Variants in TBC1D22A observed in about 807,000 individuals in gnomAD.
TBC1D22A encodes TBC1 domain family member 22A, also known as putative GTPase activator.
TBC1D22A carries 38 observed loss-of-function variants against 60.2 expected under a neutral mutation model. That is an observed-to-expected ratio of 0.63 (90% confidence interval 0.49 to 0.83). The LOEUF is 0.83. Among genes scored for constraint, TBC1D22A ranks in the 40% least tolerant of loss-of-function variants. The pLI is 0.00. For missense variants in TBC1D22A, 628 were observed against 701.0 expected, an observed-to-expected ratio of 0.90 and a Z score of 1.18; for synonymous variants, 302 against 281.7, an observed-to-expected ratio of 1.07 and a Z score of -0.72.
At chr22:46,878,784 T>C (rs2067701126) in intron 5 of TBC1D22A, 61 bp downstream of exon 5, 5 of 1,537,164 alleles carry the variant, frequency 3.3e-6, no homozygotes, top group Non-Finnish European at 9.0e-7. Flanking sequence ...TGCAGGCGTC[T>C]GGCCTGAGTA....
intron 11 of TBC1D22A, among the ~76,000 whole-genome samples, chr22:47,106,162 G>C (rs2065625685): frequency 6.6e-6 from 1 of 152,182 alleles, no homozygotes; most frequent in African/African-American, 2.4e-5. Flanking sequence ...GATATAAAAA[G>C]AGAGGCTAAA....
At chr22:46,998,126 C>CTTTA (rs1489071416) in intron 10 of TBC1D22A, among the ~76,000 whole-genome samples, 1 of 152,066 alleles carries the variant, frequency 6.6e-6, no homozygotes, top group Non-Finnish European at 1.5e-5. Context: ...GAAATAACAT[C>CTTTA]TTTAATATTA....
intron 4 of TBC1D22A, among the ~76,000 whole-genome samples, chr22:46,864,866 G>T (rs2066977454): frequency 6.6e-6 from 1 of 152,204 alleles, no homozygotes; most frequent in Non-Finnish European, 1.5e-5. Flanking sequence ...TGTGTTGAGT[G>T]CAGTGGCGTG....
intron 4 of TBC1D22A, among the ~76,000 whole-genome samples, chr22:46,842,518 G>C (rs2086813818): frequency 6.6e-6 from 1 of 152,158 alleles, no homozygotes; most frequent in Non-Finnish European, 1.5e-5. Flanking sequence ...GTAAGTTGTA[G>C]ATATCAGTTC....
At chr22:46,834,562 C>T (rs2086440822) in intron 4 of TBC1D22A, among the ~76,000 whole-genome samples, 1 of 152,224 alleles carries the variant, frequency 6.6e-6, no homozygotes, top group South Asian at 2.1e-4. Flanking sequence ...TGCTCTCCAG[C>T]AGGCCCACTC....
intron 11 of TBC1D22A, among the ~76,000 whole-genome samples, chr22:47,080,264 G>C (rs1358801605): frequency 7.2e-5 from 11 of 152,170 alleles, no homozygotes. Context: ...TTATGAAGTA[G>C]CTTGCTTGAT....
chr22:46,886,873 G>A (rs1238800735), intron 5 of TBC1D22A, among the ~76,000 whole-genome samples: 1 of 152,210 alleles, frequency 6.6e-6, no homozygotes, highest in South Asian at 2.1e-4. Context: ...CAGATGGGCC[G>A]TGCCCTGTCC....
chr22:47,170,065 G>C (rs2147231744), intron 12 of TBC1D22A, among the ~76,000 whole-genome samples: 1 of 152,262 alleles, frequency 6.6e-6, no homozygotes, highest in Middle Eastern at 3.4e-3. Flanking sequence ...GAGACGACGT[G>C]GCCTAGTGCA....
intron 8 of TBC1D22A, among the ~76,000 whole-genome samples, chr22:46,941,870 GTGTATAGAATA>G (rs957521272): frequency 7.6e-5 from 5 of 66,048 alleles, no homozygotes; most frequent in African/African-American, 2.7e-4. Context: ...TAGAATATAT[GTGTATAGAATA>G]TGTATAGAAT....
chr22:47,037,218 C>T lies in TBC1D22A; in HGVS notation c.1329+20C>T. ...TACCAGGTGAGCTCTCCTTCGCACC[C>T]TCCGCCATGGGGGTGCCAGGAGCCC... On this transcript the variant is annotated intron_variant, in intron 11 of 12. Coordinates refer to ENST00000337137, the MANE Select transcript of TBC1D22A (RefSeq NM_014346.5). The T allele has an allele frequency of 6.2e-7, 1 of 1,611,630 alleles. No homozygotes were observed. Among genetic ancestry groups the T allele is most frequent in the Non-Finnish European group, 8.5e-7 (1 of 1,178,954 alleles).
intron 4 of TBC1D22A, among the ~76,000 whole-genome samples, chr22:46,853,265 T>C (rs116675367): frequency 0.012 from 1,769 of 152,266 alleles, 37 homozygotes; most frequent in African/African-American, 0.04. Context: ...TCACCTGCTG[T>C]GGTGGGGCAG....
At chr22:46,792,940 G>A in intron 2 of TBC1D22A, 2 of 1,206,270 alleles carry the variant, frequency 1.7e-6, no homozygotes, top group East Asian at 2.6e-5. Context: ...CCCGGCCCTG[G>A]CCTGTCCTGG....
intron 8 of TBC1D22A, among the ~76,000 whole-genome samples, chr22:46,930,996 A>C (rs1481207380): frequency 6.6e-6 from 1 of 152,130 alleles, no homozygotes; most frequent in African/African-American, 2.4e-5. Context: ...AGAAGAAGGG[A>C]TATAGAGAGG....
At chr22:47,032,010 T>C (rs1603083913) in intron 10 of TBC1D22A, among the ~76,000 whole-genome samples, 1 of 152,358 alleles carries the variant, frequency 6.6e-6, no homozygotes, top group East Asian at 1.9e-4. Flanking sequence ...TTCAAGTCTG[T>C]TTCTTGCCAG....
In TBC1D22A at chr22:46,977,008, C is replaced by T. The variant is rs737456; in HGVS notation, c.1125+2609C>T. 9.6e-3 allele frequency among the ~76,000 whole-genome samples: 1,454 copies of T among 152,248 alleles called. 23 individuals are homozygous for T. The highest frequency in any genetic ancestry group is 0.033 in the African/African-American group (1,383 of 41,534). On this transcript the variant is annotated intron_variant, in intron 9 of 12. Coordinates refer to ENST00000337137, the MANE Select transcript of TBC1D22A (RefSeq NM_014346.5). ...GGAACTAACATTGTCTTCGCCGTGA[C>T]GGTGCTTCTTGGCGTGGGCATTCCC...
At chr22:46,972,597 A>T (rs1037154029) in intron 8 of TBC1D22A, among the ~76,000 whole-genome samples, 2 of 152,196 alleles carry the variant, frequency 1.3e-5, no homozygotes, top group Non-Finnish European at 2.9e-5. Context: ...AGGCAACTCC[A>T]TAGAGACAGA....
At chr22:47,118,305 A>G (rs1444999902) in intron 12 of TBC1D22A, among the ~76,000 whole-genome samples, 3 of 152,240 alleles carry the variant, frequency 2.0e-5, no homozygotes, top group Admixed American at 6.5e-5. Flanking sequence ...ATAAAAAAAC[A>G]GCAATGACAT....
In TBC1D22A at chr22:46,852,014, A is replaced by C. The variant is rs561146247; in HGVS notation, c.638-26639A>C. 4.6e-5 allele frequency among the ~76,000 whole-genome samples: 7 copies of C among 152,286 alleles called. No individual in the cohort carries two copies. In the East Asian group the frequency reaches 1.4e-3, roughly 29 times the overall value. Reference sequence around the variant, plus strand: ...AAGACAGGAGGCTTTTCCTTGGACAAACTGGGCCTAGAAGATGCTTCGTGG... The same window carrying C: ...AAGACAGGAGGCTTTTCCTTGGACACACTGGGCCTAGAAGATGCTTCGTGG... On this transcript the variant is annotated intron_variant, in intron 4 of 12. Transcript: ENST00000337137.
intron 11 of TBC1D22A, among the ~76,000 whole-genome samples, chr22:47,076,017 C>G (rs886446248): frequency 6.6e-6 from 1 of 152,052 alleles, no homozygotes; most frequent in Non-Finnish European, 1.5e-5. Flanking sequence ...GTATATGCAC[C>G]TAAGAAGCTT....
Sources: allele counts gnomAD v4.1 joint callset (sites outside exome capture counted in the v4.1 genomes callset), GRCh38; gene constraint gnomAD v4.1.1; transcripts MANE v1.5; gene names NCBI Gene and HGNC (gene_info 2026-07-23, HGNC 2026-07-21).